Variants in CPEB1 observed in about 807,000 individuals in gnomAD.
The protein encoded by CPEB1 is cytoplasmic polyadenylation element binding protein 1.
In CPEB1, 7 loss-of-function variants were observed where a neutral mutation model predicts 65.8. That is an observed-to-expected ratio of 0.11 (90% CI 0.06 to 0.20). The LOEUF is 0.20. Ranked by LOEUF, CPEB1 falls within the 10% of genes least tolerant of loss-of-function variation. CPEB1 has a pLI of 1.00. For missense variants in CPEB1, 551 were observed against 712.2 expected (o/e 0.77, Z 2.58); for synonymous variants, 262 against 260.0 (o/e 1.01, Z -0.08).
At chr15:82,637,863 G>C (rs2046788881) in intron 1 of CPEB1, 2 of 351,500 alleles carry the variant, frequency 5.7e-6, no homozygotes, top group Middle Eastern at 5.3e-4. Context: ...AGAGCTTTTT[G>C]TGTAAGTAGG....
At chr15:82,642,541 T>C (rs182446306) in intron 1 of CPEB1, among the ~76,000 whole-genome samples, 1 of 152,206 alleles carries the variant, frequency 6.6e-6, no homozygotes, top group Admixed American at 6.5e-5. Context: ...CAGTGAGACC[T>C]TGTCTCAAAA....
chr15:82,586,977 T>C (rs184904108), intron 3 of CPEB1, among the ~76,000 whole-genome samples: 21 of 152,274 alleles, frequency 1.4e-4, no homozygotes, highest in Admixed American at 7.8e-4. Context: ...AGAGAAGGAA[T>C]TGCAATTGTC....
At chr15:82,644,455 C>T (rs1015310184) in intron 1 of CPEB1, among the ~76,000 whole-genome samples, 1 of 152,182 alleles carries the variant, frequency 6.6e-6, no homozygotes, top group Non-Finnish European at 1.5e-5. Context: ...GCGGGGAAAT[C>T]CAAAACGGAT....
chr15:82,628,352 G>C lies in CPEB1; in HGVS notation c.96+12C>G. ...AGACATGGACCTTGGAGAAATCCAA[G>C]AGTTAACATACCAGAGGAATTAGCA... On this transcript the variant is annotated intron_variant, in intron 2 of 12. Transcript: ENST00000684509. The C allele has an allele frequency of 1.4e-6, 1 of 702,780 alleles. No homozygotes were observed. Among genetic ancestry groups the C allele is most frequent in the East Asian group, 2.7e-5 (1 of 37,276 alleles). 43.5% of individuals were successfully genotyped at this position (702,780 alleles called of 1,614,324 possible).
intron 1 of CPEB1, chr15:82,629,557 T>C (rs2046067336): frequency 2.0e-6 from 2 of 985,382 alleles, no homozygotes; most frequent in African/African-American, 3.5e-5. Context: ...AGCAGAAATG[T>C]AGGTACCATT....
chr15:82,569,434 AT>A lies in CPEB1; in HGVS notation c.460+1909del, dbSNP rs371746378. ...GCAACTCTGGTTCTGGTCCTTATGAATTCTGAGGCTCAGGCTGCAGTCCCTC... is the reference window on the plus strand; with the variant it reads ...GCAACTCTGGTTCTGGTCCTTATGAATCTGAGGCTCAGGCTGCAGTCCCTC... On this transcript the variant is annotated intron_variant, in intron 4 of 12. Transcript: ENST00000684509. Among the ~76,000 whole-genome samples the A allele has an allele frequency of 9.8e-5, 15 of 152,332 alleles. No individual in the cohort carries two copies. The East Asian group carries it at 2.5e-3, about 25-fold the overall frequency.
chr15:82,626,395 C>T (rs1257476249), intron 3 of CPEB1, among the ~76,000 whole-genome samples: 1 of 152,150 alleles, frequency 6.6e-6, no homozygotes, highest in African/African-American at 2.4e-5. Flanking sequence ...GATCACACCA[C>T]TGCACTCCAA....
At chr15:82,573,365 A>C (rs2040296244) in intron 3 of CPEB1, among the ~76,000 whole-genome samples, 1 of 146,362 alleles carries the variant, frequency 6.8e-6, no homozygotes, top group African/African-American at 2.6e-5. Context: ...CCTAGCAAAA[A>C]TCACCCATAC....
intron 1 of CPEB1, among the ~76,000 whole-genome samples, chr15:82,636,739 C>T (rs997734417): frequency 1.3e-5 from 2 of 152,168 alleles, no homozygotes; most frequent in Non-Finnish European, 2.9e-5. Context: ...GTATCTGCTG[C>T]ATTTGCAGGC....
rs188463022 is a variant in CPEB1, at chr15:82,564,539, C to T, written c.461-6553G>A. Among the ~76,000 whole-genome samples the T allele has an allele frequency of 2.1e-3, 317 of 152,152 alleles. 2 individuals carry two copies. Among genetic ancestry groups the T allele is most frequent in the Non-Finnish European group, 3.1e-3 (213 of 67,990 alleles). ...TGATCTCCTGACCTTGTGATCCACC[C>T]GCCTCAGCCTCCCAAAGGGCTGGAA... On this transcript the variant is annotated intron_variant, in intron 4 of 12. Coordinates refer to ENST00000684509, the MANE Select transcript of CPEB1 (RefSeq NM_001365242.1).
intron 3 of CPEB1, among the ~76,000 whole-genome samples, chr15:82,593,463 C>CTT (rs765596121): frequency 1.3e-5 from 2 of 152,238 alleles, no homozygotes; most frequent in African/African-American, 2.4e-5. Context: ...TCAGGCTCCA[C>CTT]TTTTAATCCT....
chr15:82,562,910 A>G (rs960677001), intron 4 of CPEB1, among the ~76,000 whole-genome samples: 2 of 152,244 alleles, frequency 1.3e-5, no homozygotes, highest in Non-Finnish European at 2.9e-5. Flanking sequence ...TAAGAGAAAA[A>G]AAAGGCATCA....
intron 3 of CPEB1, among the ~76,000 whole-genome samples, chr15:82,614,733 A>C (rs757100850): frequency 2.0e-4 from 31 of 151,988 alleles, no homozygotes; most frequent in Non-Finnish European, 3.2e-4. Context: ...GATCTTTAAA[A>C]AAAAGAAAGA....
chr15:82,556,463 G>T, intron 5 of CPEB1: 1 of 184,696 alleles, frequency 5.4e-6, no homozygotes, highest in South Asian at 1.4e-4. Context: ...TAAAAATTAA[G>T]ATGTAGCTTC....
intron 3 of CPEB1, among the ~76,000 whole-genome samples, chr15:82,603,051 A>T (rs1219102567): frequency 6.6e-6 from 1 of 152,186 alleles, no homozygotes; most frequent in Non-Finnish European, 1.5e-5. Context: ...TAAAAAATAA[A>T]AACAAGATAG....
At chr15:82,647,708 C>A (rs2047696608), upstream of CPEB1, 1 of 609,796 alleles carries the variant, frequency 1.6e-6, no homozygotes, top group South Asian at 8.2e-5. Flanking sequence ...GCCCCACGCC[C>A]GCGGGCACGT....
chr15:82,627,283 G>A lies in CPEB1; in HGVS notation c.181C>T (p.Arg61Ter). The A allele has an allele frequency of 1.2e-6, 2 of 1,613,574 alleles. No individual in the cohort carries two copies. Among genetic ancestry groups the A allele is most frequent in the Non-Finnish European group, 1.7e-6 (2 of 1,179,596 alleles). Reference sequence around the variant, plus strand: ...TTATCCAATATGGCATTTATCCTTCGAAAGATATTGGCATTACTACACGTG... The same window carrying A: ...TTATCCAATATGGCATTTATCCTTCAAAAGATATTGGCATTACTACACGTG... ...LSTCSNANIF[R>*]RINAILDNSL... is the part of the protein sequence containing the mutation. The change falls in exon 3 of 13, where the codon CGA becomes TGA. Residue 61 changes from arginine to a stop codon, truncating the protein, a stop_gained. Coordinates refer to ENST00000684509, the MANE Select transcript of CPEB1 (RefSeq NM_001365242.1). LOFTEE classifies it high-confidence loss of function.
intron 2 of CPEB1, 184 bp downstream of exon 2, chr15:82,628,180 C>T (rs1368281046): frequency 2.9e-6 from 2 of 699,738 alleles, no homozygotes; most frequent in Non-Finnish European, 5.2e-6. Context: ...CCATGAAAGC[C>T]ATCATGCCCA....
At chr15:82,622,643 C>T (rs2045407256) in intron 3 of CPEB1, among the ~76,000 whole-genome samples, 3 of 152,132 alleles carry the variant, frequency 2.0e-5, no homozygotes, top group South Asian at 4.1e-4. Flanking sequence ...CTGCCCACCT[C>T]GGCCTCCCAA....
Sources: allele counts gnomAD v4.1 joint callset (sites outside exome capture counted in the v4.1 genomes callset), GRCh38; gene constraint gnomAD v4.1.1; transcripts MANE v1.5; gene names NCBI Gene and HGNC (gene_info 2026-07-23, HGNC 2026-07-21).